Variants in DISC1 observed in about 807,000 individuals in gnomAD.
DISC1 encodes disrupted in schizophrenia 1 protein.
A neutral mutation model predicts 84.5 loss-of-function variants in DISC1; 57 were observed. The ratio of observed to expected loss-of-function variants is 0.67; its 90% confidence interval spans 0.55 to 0.84. DISC1 has a LOEUF of 0.84. DISC1 is among the 40% of genes least tolerant of loss of function. DISC1 has a pLI of 0.00. For synonymous variants in DISC1, 411 were observed against 415.2 expected (o/e 0.99, Z 0.12); for missense variants, 1,000 against 1,057.8 (o/e 0.95, Z 0.76).
chr1:231,797,330 G>A (rs1197918729), intron 7 of DISC1, among the ~76,000 whole-genome samples: 1 of 152,114 alleles, frequency 6.6e-6, no homozygotes, highest in Non-Finnish European at 1.5e-5. Context: ...TCAAAAATGG[G>A]TTGTTTTGTT....
At chr1:231,712,280 C>T (rs997375169) in intron 3 of DISC1, among the ~76,000 whole-genome samples, 8 of 152,172 alleles carry the variant, frequency 5.3e-5, no homozygotes, top group African/African-American at 1.9e-4. Context: ...TTGTTTTAAG[C>T]CTGTAAGTTT....
chr1:231,689,955 G>T (rs938384610), intron 1 of DISC1, among the ~76,000 whole-genome samples: 1 of 152,196 alleles, frequency 6.6e-6, no homozygotes, highest in East Asian at 1.9e-4. Context: ...GGAGGGATTG[G>T]AAGCTGAAGG....
chr1:231,795,200 T>C, intron 6 of DISC1, 42 bp from the exon 7 acceptor site: 2 of 1,584,994 alleles, frequency 1.3e-6, no homozygotes, highest in South Asian at 2.2e-5. Flanking sequence ...TATTGAATTG[T>C]GGTTACCAAG....
rs1200959736 is a variant in DISC1, at chr1:231,713,680, GAT to G, written c.1117+11674_1117+11675del. On this transcript the variant is annotated intron_variant, in intron 3 of 12. Transcript: ENST00000439617. ...GGGACCTCTAGGACATCATGAAGCAGATATATATATATATATATAGGAGATAT... is the reference window on the plus strand; with the variant it reads ...GGGACCTCTAGGACATCATGAAGCAGATATATATATATATATAGGAGATAT... Among the ~76,000 whole-genome samples, 65 of 120,680 alleles carry G rather than the reference GAT, an allele frequency of 5.4e-4. 1 individual carries two copies. Among genetic ancestry groups the G allele is most frequent in the South Asian group, 2.3e-3 (9 of 3,902 alleles). The allele number at this position is 120,680 out of a possible 152,430, so 79.2% of individuals were successfully genotyped here.
At chr1:231,729,257 T>A (rs2071191498) in intron 3 of DISC1, among the ~76,000 whole-genome samples, 1 of 152,228 alleles carries the variant, frequency 6.6e-6, no homozygotes. Flanking sequence ...GACATTTGGG[T>A]TGGTTCCAAG....
intron 10 of DISC1, among the ~76,000 whole-genome samples, chr1:231,989,506 C>T (rs1274804893): frequency 6.6e-6 from 1 of 152,208 alleles, no homozygotes; most frequent in African/African-American, 2.4e-5. Context: ...AAAATAAATG[C>T]TTCATGTCAA....
At chr1:231,912,225 G>C (rs1391376724) in intron 9 of DISC1, among the ~76,000 whole-genome samples, 2 of 152,164 alleles carry the variant, frequency 1.3e-5, no homozygotes, top group African/African-American at 4.8e-5. Context: ...TGCTGGCAAG[G>C]AGCTGTGTTC....
At chr1:231,870,101 G>A (rs9432021) in intron 9 of DISC1, among the ~76,000 whole-genome samples, 1,588 of 152,244 alleles carry the variant, frequency 0.01, 9 homozygotes, top group Non-Finnish European at 0.018. Context: ...CAGGATATAA[G>A]AAAGGGAGAG....
At chr1:231,715,650 G>T (rs772712932) in intron 3 of DISC1, among the ~76,000 whole-genome samples, 23 of 152,202 alleles carry the variant, frequency 1.5e-4, no homozygotes, top group African/African-American at 4.6e-4. Flanking sequence ...ACTGATTGAT[G>T]AATTCAGTTG....
At chr1:231,999,816 C>T (rs1572567496) in intron 10 of DISC1, among the ~76,000 whole-genome samples, 1 of 123,260 alleles carries the variant, frequency 8.1e-6, no homozygotes. Flanking sequence ...AGCAGAAAAA[C>T]AACAACAACA....
chr1:231,970,581 TG>T (rs1659497385), intron 10 of DISC1, among the ~76,000 whole-genome samples: 1 of 152,212 alleles, frequency 6.6e-6, no homozygotes. Context: ...TCATTTTCTT[TG>T]CCATTGATAA....
At chr1:231,730,489 T>G (rs559626447) in intron 3 of DISC1, among the ~76,000 whole-genome samples, 15 of 152,354 alleles carry the variant, frequency 9.8e-5, no homozygotes, top group African/African-American at 3.4e-4. Flanking sequence ...GGATGTGTTG[T>G]GTGATGCTGA....
chr1:231,820,167 A>AT (rs555831623), intron 9 of DISC1, among the ~76,000 whole-genome samples: 1 of 152,000 alleles, frequency 6.6e-6, no homozygotes, highest in African/African-American at 2.4e-5. Flanking sequence ...CACGTGCTTA[A>AT]TTTTTTTTAA....
chr1:231,907,895 C>T lies in DISC1; in HGVS notation c.1982-50933C>T, dbSNP rs139489231. Among the ~76,000 whole-genome samples the T allele has an allele frequency of 2.4e-3, 369 of 152,140 alleles. 4 individuals are homozygous for T. The highest frequency in any genetic ancestry group is 8.5e-3 in the African/African-American group (352 of 41,512). ...ACTGGTATGAGATGGTATCTCATTG[C>T]GGTTTTGATTTGCATTTCTCTGATG... On this transcript the variant is annotated intron_variant, in intron 9 of 12. Transcript: ENST00000439617.
At chr1:231,851,498 C>T (rs1558650810) in intron 9 of DISC1, among the ~76,000 whole-genome samples, 1 of 152,226 alleles carries the variant, frequency 6.6e-6, no homozygotes, top group Non-Finnish European at 1.5e-5. Context: ...AGGCTCAGGC[C>T]TACATTCACC....
chr1:231,940,107 C>T (rs2091228936), intron 9 of DISC1, among the ~76,000 whole-genome samples: 2 of 152,042 alleles, frequency 1.3e-5, no homozygotes, highest in Non-Finnish European at 2.9e-5. Flanking sequence ...ACACCTCCCT[C>T]ACCTCCACCT....
intron 9 of DISC1, among the ~76,000 whole-genome samples, chr1:231,900,752 G>A (rs1357720122): frequency 6.6e-6 from 1 of 152,172 alleles, no homozygotes; most frequent in Non-Finnish European, 1.5e-5. Flanking sequence ...ATCTCCTAGG[G>A]TAAGAGAAGG....
Position 231,694,425 on chromosome 1 carries a change from C to A in DISC1, c.667C>A (p.Arg223Ser), listed in dbSNP as rs773166710. ...GCTCTCGCTTGGCTCTGCCGGGGAACGTGGAGAAGCAGAAGGCTGCCCACC... is the reference window on the plus strand; with the variant it reads ...GCTCTCGCTTGGCTCTGCCGGGGAAAGTGGAGAAGCAGAAGGCTGCCCACC... ...IRLSLGSAGE[R>S]GEAEGCPPSR... Residue 223 changes from arginine (R) to serine (S), a missense_variant, in exon 2 of 13, where the codon CGT (arginine) becomes AGT (serine). By Grantham distance (110) the Arg-to-Ser change is moderately radical. Around this residue, in one of 3 missense-constraint regions of DISC1, gnomAD observed 311 missense variants for 400.1 expected, o/e 0.78. Coordinates refer to ENST00000439617, the MANE Select transcript of DISC1 (RefSeq NM_018662.3). 3 of 1,614,146 alleles carry A rather than the reference C, an allele frequency of 1.9e-6. No individual in the cohort carries two copies. The African/African-American group carries it at 4.0e-5, about 22-fold the overall frequency.
intron 4 of DISC1, among the ~76,000 whole-genome samples, chr1:231,753,764 T>G (rs887206708): frequency 6.6e-6 from 1 of 152,210 alleles, no homozygotes; most frequent in Non-Finnish European, 1.5e-5. Flanking sequence ...AAGTTCAAAC[T>G]TTAGGTCATT....
Sources: allele counts gnomAD v4.1 joint callset (sites outside exome capture counted in the v4.1 genomes callset), GRCh38; gene constraint gnomAD v4.1.1; regional missense constraint gnomAD v4.1.1; transcripts MANE v1.5; gene names NCBI Gene and HGNC (gene_info 2026-07-23, HGNC 2026-07-21).